CHIC2: variants seen among roughly 807,000 people sequenced by gnomAD.
The protein encoded by CHIC2 is cysteine rich hydrophobic domain 2.
In CHIC2, 14 loss-of-function variants were observed where a neutral mutation model predicts 25.9. That is an observed-to-expected ratio of 0.54 (90% confidence interval 0.36 to 0.85). The LOEUF (loss-of-function observed/expected upper bound fraction) is 0.85, where lower values mean the gene tolerates loss of function less well. Among genes scored for constraint, CHIC2 ranks in the 40% least tolerant of loss-of-function variants. The pLI is 0.01. For missense variants in CHIC2, 146 were observed against 202.0 expected, an observed-to-expected ratio of 0.72 and a Z score of 1.68; for synonymous variants, 70 against 72.0, an observed-to-expected ratio of 0.97 and a Z score of 0.14.
At chr4:54,088,169 A>C in the CHIC2 span, among the ~76,000 whole-genome samples, 2 of 152,130 alleles carry the variant, frequency 1.3e-5, no homozygotes, top group East Asian at 3.9e-4. Context: ...ATATATACCC[A>C]AAAACCCATG....
At chr4:54,063,822 C>T (rs577531622) in intron 1 of CHIC2, among the ~76,000 whole-genome samples, 3 of 152,306 alleles carry the variant, frequency 2.0e-5, no homozygotes, top group Admixed American at 6.5e-5. Context: ...AAGGCACAGA[C>T]AACCACAGGG....
intron 1 of CHIC2, 69 bp from the exon 2 acceptor site, chr4:54,049,374 T>C (rs1339055402): frequency 2.0e-6 from 2 of 1,002,192 alleles, no homozygotes; most frequent in Non-Finnish European, 3.0e-6. Flanking sequence ...CCATTTAATT[T>C]AAAGGTCAAG....
chr4:54,078,712 G>A, the CHIC2 span, among the ~76,000 whole-genome samples: 17 of 151,418 alleles, frequency 1.1e-4, no homozygotes, highest in Non-Finnish European at 2.4e-4. Context: ...ATGGGGTTTC[G>A]CCATGTTGGC....
the CHIC2 span, among the ~76,000 whole-genome samples, chr4:54,072,236 A>T: frequency 6.6e-6 from 1 of 151,694 alleles, no homozygotes; most frequent in African/African-American, 2.4e-5. Flanking sequence ...CTGGAAGGGG[A>T]GCTTGCAGTG....
the CHIC2 span, chr4:54,076,665 T>G: frequency 6.6e-6 from 1 of 152,256 alleles, no homozygotes; most frequent in Non-Finnish European, 1.5e-5. Flanking sequence ...CATAGCCTTT[T>G]GGCCAGGTGT....
chr4:54,066,068 TGTC>T (rs1717511615), upstream of CHIC2, among the ~76,000 whole-genome samples: 1 of 152,170 alleles, frequency 6.6e-6, no homozygotes, highest in Non-Finnish European at 1.5e-5. Flanking sequence ...GGCAAGCAAT[TGTC>T]ATCTCTGCCA....
At chr4:54,057,618 A>C (rs1214968250) in intron 1 of CHIC2, among the ~76,000 whole-genome samples, 2 of 152,162 alleles carry the variant, frequency 1.3e-5, no homozygotes, top group Admixed American at 6.6e-5. Flanking sequence ...TGTAAACTCC[A>C]TGAGGGCAGA....
chr4:54,070,231 C>A, the CHIC2 span, among the ~76,000 whole-genome samples: 2 of 152,082 alleles, frequency 1.3e-5, no homozygotes, highest in African/African-American at 2.4e-5. Flanking sequence ...GTGGGTGGAT[C>A]ATAGTGAGGA....
intron 3 of CHIC2, among the ~76,000 whole-genome samples, chr4:54,043,783 G>A (rs1450458196): frequency 6.6e-6 from 1 of 152,124 alleles, no homozygotes; most frequent in Non-Finnish European, 1.5e-5. Context: ...ATAATGACAG[G>A]ATCAAATTCA....
chr4:54,064,642 C>T, upstream of CHIC2: 2 of 1,071,960 alleles, frequency 1.9e-6, no homozygotes, highest in Non-Finnish European at 2.3e-6. This position sits in a 1 kb window ranked among gnomAD's most constrained non-coding sequence, Gnocchi z 4.2. Context: ...CGGGAGCAGC[C>T]GGCTACGGCA....
At chr4:54,042,043 T>C (rs1393970420) in intron 3 of CHIC2, among the ~76,000 whole-genome samples, 1 of 151,770 alleles carries the variant, frequency 6.6e-6, no homozygotes, top group African/African-American at 2.4e-5. Flanking sequence ...AAATCCAAAT[T>C]ATTTTGCCTC....
At chr4:54,022,041 G>A (rs902162476) in intron 3 of CHIC2, among the ~76,000 whole-genome samples, 1 of 152,118 alleles carries the variant, frequency 6.6e-6, no homozygotes, top group Non-Finnish European at 1.5e-5. Flanking sequence ...GCAGCTGCCA[G>A]GGGTTCCTCC....
Position 54,032,942 on chromosome 4 carries a change from A to G in CHIC2, c.330+16013T>C, listed in dbSNP as rs185198195. Among the ~76,000 whole-genome samples the G allele has an allele frequency of 6.2e-4, 94 of 152,330 alleles. 1 individual carries two copies. The highest frequency in any genetic ancestry group is 2.1e-3 in the African/African-American group (87 of 41,574). On this transcript the variant is annotated intron_variant, in intron 3 of 5. Transcript: ENST00000263921. ...GAAGGTGATTGGATCATGGGGGCAG[A>G]TAACTTCACAGGTTGGTGCTGAGTT...
chr4:54,091,312 GGC>G, the CHIC2 span, among the ~76,000 whole-genome samples: 8 of 152,274 alleles, frequency 5.3e-5, no homozygotes, highest in Middle Eastern at 3.4e-3. Context: ...AGAGGCACTG[GGC>G]TGCGCCCGTA....
chr4:54,071,863 C>T, the CHIC2 span, among the ~76,000 whole-genome samples: 3 of 151,896 alleles, frequency 2.0e-5, no homozygotes, highest in Admixed American at 1.3e-4. Flanking sequence ...TTTTCCAGAT[C>T]ATTTCATACC....
In CHIC2 at chr4:54,064,554, C is replaced by A; in HGVS notation, c.-254G>T. The A allele has an allele frequency of 7.6e-7, 1 of 1,319,794 alleles. No individual in the cohort carries two copies. Among genetic ancestry groups the A allele is most frequent in the Non-Finnish European group, 9.6e-7 (1 of 1,038,270 alleles). 81.8% of individuals were successfully genotyped at this position (1,319,794 alleles called of 1,614,324 possible). On this transcript the variant is annotated 5_prime_UTR_variant, in exon 1 of 6. Transcript: ENST00000263921. This position sits in a 1 kb window ranked among gnomAD's most constrained non-coding sequence, Gnocchi z 4.2. ...ACATCCGCCCAGAGGCCGACACCTCCACAAGCACAGACGCCGCTGCCGCCG... is the reference window on the plus strand; with the variant it reads ...ACATCCGCCCAGAGGCCGACACCTCAACAAGCACAGACGCCGCTGCCGCCG...
In CHIC2 at chr4:54,054,456, T is replaced by C. The variant is rs566358794; in HGVS notation, c.120-5151A>G. ...CTTGTTTTGCCCTTAATCAAAAATA[T>C]ATGTTCAATGTTTCTTTTCTTCTGA... On this transcript the variant is annotated intron_variant, in intron 1 of 5. Coordinates refer to ENST00000263921, the MANE Select transcript of CHIC2 (RefSeq NM_012110.4). Among the ~76,000 whole-genome samples the C allele has an allele frequency of 3.9e-5, 6 of 152,352 alleles. No homozygotes were observed. The East Asian group carries it at 9.6e-4, about 24-fold the overall frequency.
At chr4:54,024,876 C>T (rs1298374444) in intron 3 of CHIC2, among the ~76,000 whole-genome samples, 1 of 152,136 alleles carries the variant, frequency 6.6e-6, no homozygotes, top group African/African-American at 2.4e-5. Flanking sequence ...CATCACCAAT[C>T]ATTCTATATG....
intron 3 of CHIC2, among the ~76,000 whole-genome samples, chr4:54,036,094 A>G (rs1261531100): frequency 6.6e-6 from 1 of 152,210 alleles, no homozygotes; most frequent in Non-Finnish European, 1.5e-5. Flanking sequence ...TAAATTTATT[A>G]AGACTTGTTT....
Sources: gnomAD v4.1 joint callset for allele counts (sites outside exome capture counted in the v4.1 genomes callset) on GRCh38, gnomAD v4.1.1 for gene constraint, Gnocchi (gnomAD v3.1) non-coding constraint, MANE v1.5 for transcripts, NCBI Gene and HGNC (gene_info 2026-07-23, HGNC 2026-07-21) for gene names.